The following RTL10 variants were observed in gnomAD, a reference collection of about 807,000 sequenced individuals.
RTL10 encodes protein Bop.
For synonymous variants in RTL10, 199 were observed against 188.4 expected, an observed-to-expected ratio of 1.06 and a Z score of -0.46; for missense variants, 477 against 470.7, an observed-to-expected ratio of 1.01 and a Z score of -0.12.
In RTL10 at chr22:19,850,461, G is replaced by A. The variant is rs555997374; in HGVS notation, c.*706C>T. 2.3e-5 allele frequency: 23 copies of A among 1,002,224 alleles called. No individual in the cohort carries two copies. The highest frequency in any genetic ancestry group is 6.9e-5 in the African/African-American group (4 of 58,008). The allele number at this position is 1,002,224 out of a possible 1,614,324, so 62.1% of individuals were successfully genotyped here. A position where few individuals can be genotyped will look rare whatever the true frequency, so the allele number is the denominator to read the frequency against. On this transcript the variant is annotated 3_prime_UTR_variant, in exon 3 of 3. Coordinates refer to ENST00000328554, the MANE Select transcript of RTL10 (RefSeq NM_024627.6). ...GAGCCTGCTTCAGAACACCAGGCACGATTAGAGCTACAGTGTTAACACACA... is the reference window on the plus strand; with the variant it reads ...GAGCCTGCTTCAGAACACCAGGCACAATTAGAGCTACAGTGTTAACACACA...
chr22:19,846,402 ACTGCCTACTCAACAGCCAAG>A lies in RTL10; in HGVS notation c.*4745_*4764del, dbSNP rs1281462247. ...AGCATCCCATACAGCACAACTGGGC[ACTGCCTACTCAACAGCCAAG>A]GCTTGGCCATCCCCACTCCTCAGTA... On this transcript the variant is annotated 3_prime_UTR_variant, in exon 3 of 3. Coordinates refer to ENST00000328554, the MANE Select transcript of RTL10 (RefSeq NM_024627.6). 4 of 984,570 alleles carry A rather than the reference ACTGCCTACTCAACAGCCAAG, an allele frequency of 4.1e-6. No individual in the cohort carries two copies. Among genetic ancestry groups the A allele is most frequent in the Non-Finnish European group, 4.8e-6 (4 of 829,162 alleles). The allele number at this position is 984,570 out of a possible 1,614,324, so 61.0% of individuals were successfully genotyped here.
rs1292512085 is a variant in RTL10, at chr22:19,852,089, A to G, written c.173T>C (p.Val58Ala). The G allele has an allele frequency of 1.9e-6, 3 of 1,614,158 alleles. No homozygotes were observed. The highest frequency in any genetic ancestry group is 3.3e-5 in the Admixed American group (2 of 60,018). The change falls in exon 3 of 3, where the codon GTG becomes GCG. Residue 58 changes from valine to alanine, a missense_variant. Physicochemically the swap from Val to Ala is moderately conservative, Grantham distance 64. Transcript: ENST00000328554. The part of the protein sequence containing the change: ...ERPCCGDTVC[V>A]RTTMEQKSTA... ...GCTCTTCTGCTCCATGGTCGTTCGC[A>G]CACACACGGTGTCCCCACAGCAGGG...
Position 19,852,371 on chromosome 22 carries a change from G to C in RTL10, c.-110C>G. The C allele has an allele frequency of 8.2e-7, 1 of 1,223,336 alleles. No homozygotes were observed. Among genetic ancestry groups the C allele is most frequent in the Admixed American group, 2.2e-5 (1 of 44,880 alleles). 75.8% of individuals were successfully genotyped at this position (1,223,336 alleles called of 1,614,324 possible). A position where few individuals can be genotyped will look rare whatever the true frequency, so the allele number is the denominator to read the frequency against. On this transcript the variant is annotated 5_prime_UTR_variant, in exon 3 of 3. Transcript: ENST00000328554. Reference sequence around the variant, plus strand: ...GGACAGGGATGGCTGAACAGGGCGTGGCAGACCCGCACTGGTCCAGGCAAG... The same window carrying C: ...GGACAGGGATGGCTGAACAGGGCGTCGCAGACCCGCACTGGTCCAGGCAAG...
chr22:19,851,773 G>C lies in RTL10; in HGVS notation c.489C>G (p.Pro163=). The change falls in exon 3 of 3, where the codon CCC becomes CCG. Residue 163 remains proline, a synonymous_variant. Transcript: ENST00000328554. ...AGAAGAGCTCGTAATCGTCAGGCAG[G>C]GGCAGGTCCCCATCAAGGTAGGGGG... ...WAAPYLDGDL[P]LPDDYELFCQ... 1 of 1,613,132 alleles carries C rather than the reference G, an allele frequency of 6.2e-7. No individual in the cohort carries two copies. The highest frequency in any genetic ancestry group is 2.2e-5 in the East Asian group (1 of 44,828).
Position 19,850,341 on chromosome 22 carries a change from T to C in RTL10, c.*826A>G. The C allele has an allele frequency of 1.0e-6, 1 of 985,496 alleles. No individual in the cohort carries two copies. Among genetic ancestry groups the C allele is most frequent in the Non-Finnish European group, 1.2e-6 (1 of 829,896 alleles). The allele number at this position is 985,496 out of a possible 1,614,324, so 61.0% of individuals were successfully genotyped here. A position where few individuals can be genotyped will look rare whatever the true frequency, so the allele number is the denominator to read the frequency against. On this transcript the variant is annotated 3_prime_UTR_variant, in exon 3 of 3. Coordinates refer to ENST00000328554, the MANE Select transcript of RTL10 (RefSeq NM_024627.6). ...GGGTCACAGTCTGCCAGGAGGGAGA[T>C]CCAAGTCATTTACACACTAGGGCTT...
At position 19,847,917 on chromosome 22, in the gene RTL10, A is replaced by G. The variant is rs1938004353; in HGVS notation, c.*3250T>C. On this transcript the variant is annotated 3_prime_UTR_variant, in exon 3 of 3. Coordinates refer to ENST00000328554, the MANE Select transcript of RTL10 (RefSeq NM_024627.6). ...CTGGCATAAAGAGTGAGGCACATACATGGCTTTACTATTTTCCAGAGGGCC... is the reference window on the plus strand; with the variant it reads ...CTGGCATAAAGAGTGAGGCACATACGTGGCTTTACTATTTTCCAGAGGGCC... 1 of 984,266 alleles carries G rather than the reference A, an allele frequency of 1.0e-6. No individual in the cohort carries two copies. The highest frequency in any genetic ancestry group is 4.7e-5 in the South Asian group (1 of 21,260). The allele number at this position is 984,266 out of a possible 1,614,324, so 61.0% of individuals were successfully genotyped here. A position where few individuals can be genotyped will look rare whatever the true frequency, so the allele number is the denominator to read the frequency against.
intron 2 of RTL10, among the ~76,000 whole-genome samples, chr22:19,853,744 C>T (rs1017438153): frequency 6.6e-6 from 1 of 152,094 alleles, no homozygotes; most frequent in Non-Finnish European, 1.5e-5. Flanking sequence ...ACCTGAAAGC[C>T]CAGCCCATGA....
chr22:19,853,574 T>C (rs544811227), intron 2 of RTL10, among the ~76,000 whole-genome samples: 2 of 152,108 alleles, frequency 1.3e-5, no homozygotes, highest in South Asian at 4.1e-4. Flanking sequence ...TCATCCCACA[T>C]CTCCTATCTG....
chr22:19,851,678 G>C lies in RTL10; in HGVS notation c.584C>G (p.Pro195Arg), dbSNP rs766745486. Residue 195 changes from proline to arginine, a missense_variant, in exon 3 of 3, where the codon CCC becomes CGC. Transcript: ENST00000328554. Reference sequence around the variant, plus strand: ...CAGCTGGCTGGAGGCCAGGGGCAGGGGACAGGTAACCACAGCATGGTACTC... The same window carrying C: ...CAGCTGGCTGGAGGCCAGGGGCAGGCGACAGGTAACCACAGCATGGTACTC... ...FAEYHAVVTCPLPLASSQLPV... is the reference protein window; with the variant it reads ...FAEYHAVVTCRLPLASSQLPV... The C allele has an allele frequency of 1.9e-6, 3 of 1,596,592 alleles. No homozygotes were observed. The highest frequency in any genetic ancestry group is 3.4e-5 in the Admixed American group (2 of 58,622).
rs1263533498 is a variant in RTL10, at chr22:19,848,790, C to T, written c.*2377G>A. 1 of 985,554 alleles carries T rather than the reference C, an allele frequency of 1.0e-6. No homozygotes were observed. The allele number at this position is 985,554 out of a possible 1,614,324, so 61.1% of individuals were successfully genotyped here. A position where few individuals can be genotyped will look rare whatever the true frequency, so the allele number is the denominator to read the frequency against. On this transcript the variant is annotated 3_prime_UTR_variant, in exon 3 of 3. Coordinates refer to ENST00000328554, the MANE Select transcript of RTL10 (RefSeq NM_024627.6). ...CAAAAGCCCCAAAGCCCCAATAGGA[C>T]AGGGTTCAAAAGAGAAGGCAGCAAT... is the stretch of plus-strand genomic sequence containing the variant.
rs34331843 is a variant in RTL10, at chr22:19,847,804, CAAAAAAAAAA to C, written c.*3353_*3362del. 2 of 533,108 alleles carry C rather than the reference CAAAAAAAAAA, an allele frequency of 3.8e-6. No individual in the cohort carries two copies. The highest frequency in any genetic ancestry group is 4.5e-6 in the Non-Finnish European group (2 of 447,428). 33.0% of individuals were successfully genotyped at this position (533,108 alleles called of 1,614,324 possible). ...ACTTTTAAAATCCTGGAATCATAGG[CAAAAAAAAAA>C]AAAAAAAAAAATTCACCCATATTTT... On this transcript the variant is annotated 3_prime_UTR_variant, in exon 3 of 3. Transcript: ENST00000328554.
chr22:19,847,034 T>C lies in RTL10; in HGVS notation c.*4133A>G, dbSNP rs905331597. 1.0e-5 allele frequency: 10 copies of C among 985,286 alleles called. No individual in the cohort carries two copies. In the African/African-American group the frequency reaches 1.6e-4, roughly 15 times the overall value. The allele number at this position is 985,286 out of a possible 1,614,324, so 61.0% of individuals were successfully genotyped here. On this transcript the variant is annotated 3_prime_UTR_variant, in exon 3 of 3. Coordinates refer to ENST00000328554, the MANE Select transcript of RTL10 (RefSeq NM_024627.6). ...TCTCCATACTGAGCACCCCAGCCCA[T>C]AGGATGATCAGCTGCTGCCGTCCTA... is the stretch of plus-strand genomic sequence containing the variant.
Position 19,851,414 on chromosome 22 carries a change from C to G in RTL10, c.848G>C (p.Gly283Ala). The G allele has an allele frequency of 6.2e-7, 1 of 1,613,994 alleles. No individual in the cohort carries two copies. Among genetic ancestry groups the G allele is most frequent in the Non-Finnish European group, 8.5e-7 (1 of 1,179,996 alleles). The change falls in exon 3 of 3, where the codon GGT (glycine) becomes GCT (alanine). Residue 283 changes from glycine (G) to alanine (A), a missense_variant. Coordinates refer to ENST00000328554, the MANE Select transcript of RTL10 (RefSeq NM_024627.6). ...CTGGGAAGAGGCTGGTTCCACAGGA[C>G]CAGGCTTGGAGCTACATGTAGAACT... The part of the protein sequence containing the change: ...LPSSTCSSKP[G>A]PVEPASSQPE...
chr22:19,849,898 CTCCAGGAGCT>C lies in RTL10; in HGVS notation c.*1259_*1268del. On this transcript the variant is annotated 3_prime_UTR_variant, in exon 3 of 3. Transcript: ENST00000328554. ...CCTGCCTATCCTGTGGTAAACTTGG[CTCCAGGAGCT>C]TCCAAGCTCAGCTTCCACTAGAAAA... The C allele has an allele frequency of 1.0e-6, 1 of 985,522 alleles. No homozygotes were observed. Among genetic ancestry groups the C allele is most frequent in the Non-Finnish European group, 1.2e-6 (1 of 829,984 alleles). The allele number at this position is 985,522 out of a possible 1,614,324, so 61.0% of individuals were successfully genotyped here.
At position 19,852,328 on chromosome 22, in the gene RTL10, G is replaced by T; in HGVS notation, c.-67C>A. 1 of 1,513,424 alleles carries T rather than the reference G, an allele frequency of 6.6e-7. No homozygotes were observed. Among genetic ancestry groups the T allele is most frequent in the Non-Finnish European group, 9.0e-7 (1 of 1,115,470 alleles). The allele number at this position is 1,513,424 out of a possible 1,614,324, so 93.7% of individuals were successfully genotyped here. ...GGGTGGTGGGGGTGTGGACAGATGT[G>T]GCTTGCACGACACAACAGGACAGGG... On this transcript the variant is annotated 5_prime_UTR_variant, in exon 3 of 3. Transcript: ENST00000328554.
In RTL10 at chr22:19,847,963, C is replaced by T; in HGVS notation, c.*3204G>A. ...GGGCCAACTGCTTTTACTGAATAAT[C>T]CATTTTACTCGTTAATTGGAAACAC... On this transcript the variant is annotated 3_prime_UTR_variant, in exon 3 of 3. Transcript: ENST00000328554. 2 of 985,296 alleles carry T rather than the reference C, an allele frequency of 2.0e-6. No homozygotes were observed. Among genetic ancestry groups the T allele is most frequent in the Non-Finnish European group, 2.4e-6 (2 of 829,834 alleles). 61.0% of individuals were successfully genotyped at this position (985,296 alleles called of 1,614,324 possible).
Position 19,849,841 on chromosome 22 carries a change from T to C in RTL10, c.*1326A>G. 2.0e-6 allele frequency: 2 copies of C among 985,366 alleles called. No individual in the cohort carries two copies. Among genetic ancestry groups the C allele is most frequent in the South Asian group, 4.7e-5 (1 of 21,282 alleles). 61.0% of individuals were successfully genotyped at this position (985,366 alleles called of 1,614,324 possible). On this transcript the variant is annotated 3_prime_UTR_variant, in exon 3 of 3. Transcript: ENST00000328554. ...TGAACTTCTTGTCCAAGCACCAGAG[T>C]GGGCACACACTGCACACACTGGGCG... is the stretch of plus-strand genomic sequence containing the variant.
In RTL10 at chr22:19,848,106, T is replaced by A. The variant is rs554328494; in HGVS notation, c.*3061A>T. 2.0e-6 allele frequency: 2 copies of A among 985,060 alleles called. No homozygotes were observed. Among genetic ancestry groups the A allele is most frequent in the South Asian group, 4.7e-5 (1 of 21,274 alleles). 61.0% of individuals were successfully genotyped at this position (985,060 alleles called of 1,614,324 possible). On this transcript the variant is annotated 3_prime_UTR_variant, in exon 3 of 3. Coordinates refer to ENST00000328554, the MANE Select transcript of RTL10 (RefSeq NM_024627.6). The stretch of plus-strand genomic sequence containing the variant: ...TGTGGCTTTATAAAATATTCCAATA[T>A]CCCATAGGACCTTATCCTTAGTACT...
chr22:19,849,681 T>C lies in RTL10; in HGVS notation c.*1486A>G. The C allele has an allele frequency of 1.0e-6, 1 of 985,160 alleles. No individual in the cohort carries two copies. The highest frequency in any genetic ancestry group is 1.2e-6 in the Non-Finnish European group (1 of 829,646). 61.0% of individuals were successfully genotyped at this position (985,160 alleles called of 1,614,324 possible). ...TGCTCCCGGCCAGTTTCTGAATAAG[T>C]TTAATCAGATGCTTGCTAATTAGTT... is the stretch of plus-strand genomic sequence containing the variant. On this transcript the variant is annotated 3_prime_UTR_variant, in exon 3 of 3. Coordinates refer to ENST00000328554, the MANE Select transcript of RTL10 (RefSeq NM_024627.6).
Sources: allele counts gnomAD v4.1 joint callset (sites outside exome capture counted in the v4.1 genomes callset), GRCh38; gene constraint gnomAD v4.1.1; transcripts MANE v1.5; gene names NCBI Gene and HGNC (gene_info 2026-07-23, HGNC 2026-07-21).